The following CYRIB variants were observed in gnomAD, a reference collection of about 807,000 sequenced individuals.
CYRIB encodes the protein CYFIP related Rac1 interactor B.
Under a neutral mutation model 44.2 loss-of-function variants are expected in CYRIB, and 8 were observed. That is an observed-to-expected ratio of 0.18 (90% CI 0.11 to 0.33). The LOEUF is 0.33. Ranked by LOEUF, CYRIB falls within the 10% of genes least tolerant of loss-of-function variation. CYRIB has a pLI of 1.00. For synonymous variants in CYRIB, 131 were observed against 127.2 expected (o/e 1.03, Z -0.20); for missense variants, 185 against 382.8 (o/e 0.48, Z 4.31).
intron 5 of CYRIB, among the ~76,000 whole-genome samples, chr8:129,861,164 A>T (rs2049243195): frequency 1.3e-5 from 2 of 152,238 alleles, no homozygotes; most frequent in South Asian, 4.1e-4. Flanking sequence ...TCTGACACAC[A>T]TCTATACTAT....
chr8:129,909,565 C>T (rs2076995204), intron 1 of CYRIB, among the ~76,000 whole-genome samples: 1 of 152,100 alleles, frequency 6.6e-6, no homozygotes, highest in Non-Finnish European at 1.5e-5. Context: ...ATGGTTGTAC[C>T]ACATTTTTTC....
At chr8:129,867,257 C>T (rs898779258) in intron 4 of CYRIB, among the ~76,000 whole-genome samples, 4 of 150,202 alleles carry the variant, frequency 2.7e-5, no homozygotes, top group Admixed American at 6.6e-5. Flanking sequence ...CCAAGTAGCT[C>T]GAATTACAGG....
At chr8:129,979,312 G>T (rs184318392) in intron 1 of CYRIB, among the ~76,000 whole-genome samples, 159 of 151,764 alleles carry the variant, frequency 1.0e-3, no homozygotes, top group South Asian at 4.4e-3. Context: ...CTGATTCTTG[G>T]GTCCACTACA....
At chr8:129,955,442 C>T in intron 2 of CYRIB, among the ~76,000 whole-genome samples, 1 of 152,092 alleles carries the variant, frequency 6.6e-6, no homozygotes, top group East Asian at 1.9e-4. Flanking sequence ...ACACCTTCCA[C>T]AACACTCCCA....
exon 1 of CYRIB, chr8:130,016,451 T>G (rs1187504609): frequency 6.6e-6 from 1 of 150,428 alleles, no homozygotes; most frequent in African/African-American, 2.4e-5. Context: ...CGCCGCCGTT[T>G]CCGGGTTGGC....
At chr8:129,901,235 T>G (rs1450457994) in intron 2 of CYRIB, among the ~76,000 whole-genome samples, 1 of 152,132 alleles carries the variant, frequency 6.6e-6, no homozygotes, top group Non-Finnish European at 1.5e-5. Flanking sequence ...CCTTTTTTTT[T>G]TGAGAGACAG....
At chr8:129,903,291 T>C (rs543615626) in intron 2 of CYRIB, 21 bp downstream of exon 4, 1 of 152,648 alleles carries the variant, frequency 6.6e-6, no homozygotes, top group Admixed American at 6.5e-5. Flanking sequence ...GAATAATCAT[T>C]TCCCCCAAAG....
intron 1 of CYRIB, among the ~76,000 whole-genome samples, chr8:129,937,291 T>C (rs1383196500): frequency 6.6e-6 from 1 of 152,206 alleles, no homozygotes; most frequent in Non-Finnish European, 1.5e-5. Context: ...CCTTAAACAA[T>C]GTAAGAGAAA....
intron 1 of CYRIB, among the ~76,000 whole-genome samples, chr8:129,912,064 AAAAG>A (rs1357864746): frequency 6.6e-6 from 1 of 152,224 alleles, no homozygotes; most frequent in Non-Finnish European, 1.5e-5. Flanking sequence ...AATGCTAGTT[AAAAG>A]AAAGAATTTT....
At chr8:130,002,231 C>A (rs1483607428) in intron 1 of CYRIB, among the ~76,000 whole-genome samples, 1 of 152,046 alleles carries the variant, frequency 6.6e-6, no homozygotes, top group Non-Finnish European at 1.5e-5. Flanking sequence ...GAAGCCAAGG[C>A]GGGAGGACTG....
chr8:129,887,524 G>A (rs904403224), intron 2 of CYRIB, among the ~76,000 whole-genome samples: 2 of 152,156 alleles, frequency 1.3e-5, no homozygotes, highest in Admixed American at 1.3e-4. Context: ...CTGCGAGAAG[G>A]GGGCCACCAT....
At chr8:129,865,394 T>A (rs1486516863) in intron 4 of CYRIB, among the ~76,000 whole-genome samples, 2 of 152,240 alleles carry the variant, frequency 1.3e-5, no homozygotes, top group Non-Finnish European at 2.9e-5. Flanking sequence ...GTTCAGCAAG[T>A]ACAAACTTTT....
At chr8:129,940,028 T>C (rs1373474337), upstream of CYRIB, 1 of 152,134 alleles carries the variant, frequency 6.6e-6, no homozygotes, top group Non-Finnish European at 1.5e-5. Flanking sequence ...GAAGGAGGCG[T>C]GGCCACCCCC....
intron 4 of CYRIB, among the ~76,000 whole-genome samples, chr8:129,871,110 A>G (rs1308594729): frequency 6.6e-6 from 1 of 152,204 alleles, no homozygotes; most frequent in Non-Finnish European, 1.5e-5. Context: ...GAAGCACCAC[A>G]TAAATACTGC....
intron 2 of CYRIB, among the ~76,000 whole-genome samples, chr8:129,882,761 A>G (rs1051014769): frequency 2.0e-5 from 3 of 152,042 alleles, no homozygotes; most frequent in Non-Finnish European, 4.4e-5. Flanking sequence ...TCTTCTTTCC[A>G]GGCACCCGAG....
At chr8:129,901,508 C>T (rs10956503) in intron 2 of CYRIB, 23,998 of 152,136 alleles carry the variant, frequency 0.16, 2,403 homozygotes, top group East Asian at 0.26. Flanking sequence ...CCACCGTGCC[C>T]GGCCTGTAAC....
At chr8:129,868,135 G>C (rs116620280) in intron 4 of CYRIB, among the ~76,000 whole-genome samples, 2,231 of 152,156 alleles carry the variant, frequency 0.015, 47 homozygotes, top group African/African-American at 0.047. Context: ...TAACACATCA[G>C]TTATTTGTAT....
At chr8:129,950,628 T>C (rs186863882) in intron 2 of CYRIB, among the ~76,000 whole-genome samples, 1 of 152,208 alleles carries the variant, frequency 6.6e-6, no homozygotes, top group African/African-American at 2.4e-5. Flanking sequence ...AATTATTTCA[T>C]GTAGAGTACT....
chr8:129,906,301 A>C (rs1187468770), intron 1 of CYRIB, among the ~76,000 whole-genome samples: 1 of 152,260 alleles, frequency 6.6e-6, no homozygotes, highest in Non-Finnish European at 1.5e-5. Flanking sequence ...AATAGCACAC[A>C]TCTACAACTA....
Sources: gnomAD v4.1 joint callset for allele counts (sites outside exome capture counted in the v4.1 genomes callset) on GRCh38, gnomAD v4.1.1 for gene constraint, MANE v1.5 for transcripts, NCBI Gene and HGNC (gene_info 2026-07-23, HGNC 2026-07-21) for gene names.